The following GRIA4 variants were observed in gnomAD, a reference collection of about 807,000 sequenced individuals.
The protein encoded by GRIA4 is glutamate ionotropic receptor AMPA type subunit 4, also known as glutamate receptor 4.
In GRIA4, 34 loss-of-function variants were observed where a neutral mutation model predicts 104.0. The observed-to-expected ratio is 0.33, with a 90% CI of 0.25 to 0.44. GRIA4 has a LOEUF of 0.44. Ranked by LOEUF, GRIA4 falls within the 20% of genes least tolerant of loss-of-function variation. GRIA4 has a pLI of 1.00. For missense variants in GRIA4, 750 were observed against 1,096.5 expected, an observed-to-expected ratio of 0.68 and a Z score of 4.46; for synonymous variants, 386 against 381.9, an observed-to-expected ratio of 1.01 and a Z score of -0.13.
intron 5 of GRIA4, among the ~76,000 whole-genome samples, chr11:105,867,048 G>A (rs1257188049): frequency 1.3e-5 from 2 of 152,064 alleles, no homozygotes; most frequent in Non-Finnish European, 2.9e-5. Flanking sequence ...CCTTTCAGCA[G>A]TATTGCCACT....
Position 105,612,381 on chromosome 11 carries a change from T to A in GRIA4, c.194T>A (p.Val65Glu). The A allele has an allele frequency of 6.2e-7, 1 of 1,614,184 alleles. No individual in the cohort carries two copies. The highest frequency in any genetic ancestry group is 8.5e-7 in the Non-Finnish European group (1 of 1,179,984). The part of the protein sequence containing the change: ...PNASEAPFNL[V>E]PHVDNIETAN... ...GCGTCGGAAGCTCCTTTTAATTTGG[T>A]ACCTCATGTGGACAACATTGAGACA... The change falls in exon 3 of 17, where the codon GTA (valine) becomes GAA (glutamate). Residue 65 changes from valine to glutamate, a missense_variant. Around this residue, in one of 3 missense-constraint regions of GRIA4, gnomAD observed 410 missense variants for 502.7 expected, o/e 0.82. Coordinates refer to ENST00000282499, the MANE Select transcript of GRIA4 (RefSeq NM_000829.4).
chr11:105,980,919 T>C lies in GRIA4; in HGVS notation c.*1180T>C, dbSNP rs1859229021. ...AAGATGGAGTCTTTGAGTTGGGGAA[T>C]GAATCACTGTCCTAACAACAACATA... On this transcript the variant is annotated 3_prime_UTR_variant, in exon 17 of 17. Coordinates refer to ENST00000282499, the MANE Select transcript of GRIA4 (RefSeq NM_000829.4). The C allele has an allele frequency of 2.0e-5, 3 of 152,660 alleles. No individual in the cohort carries two copies. The highest frequency in any genetic ancestry group is 1.9e-4 in the East Asian group (1 of 5,192). 9.5% of individuals were successfully genotyped at this position (152,660 alleles called of 1,614,324 possible). A position where few individuals can be genotyped will look rare whatever the true frequency, so the allele number is the denominator to read the frequency against.
chr11:105,778,489 G>A (rs1042129208), intron 4 of GRIA4, among the ~76,000 whole-genome samples: 1 of 152,160 alleles, frequency 6.6e-6, no homozygotes, highest in Non-Finnish European at 1.5e-5. Flanking sequence ...GGAGGATCAC[G>A]AGGTCAGGAG....
chr11:105,640,520 C>T (rs1411684486), intron 3 of GRIA4, among the ~76,000 whole-genome samples: 1 of 151,744 alleles, frequency 6.6e-6, no homozygotes, highest in African/African-American at 2.4e-5. Flanking sequence ...ACATTTTATT[C>T]TAGGCATTTT....
intron 3 of GRIA4, among the ~76,000 whole-genome samples, chr11:105,695,887 T>TACC (rs1953259866): frequency 6.6e-6 from 1 of 152,188 alleles, no homozygotes; most frequent in South Asian, 2.1e-4. Context: ...AAATATTGTA[T>TACC]ACCATTGTAT....
At chr11:105,657,307 C>T (rs547561674) in intron 3 of GRIA4, among the ~76,000 whole-genome samples, 1 of 152,002 alleles carries the variant, frequency 6.6e-6, no homozygotes, top group Non-Finnish European at 1.5e-5. Context: ...ACCAAAATCT[C>T]GAAGTCACCG....
chr11:105,687,328 A>T (rs1182429891), intron 3 of GRIA4, among the ~76,000 whole-genome samples: 2 of 152,188 alleles, frequency 1.3e-5, no homozygotes, highest in African/African-American at 4.8e-5. Flanking sequence ...TTAGGAGGAT[A>T]ACAAGTGTAC....
chr11:105,897,305 CT>C (rs1369230740), intron 6 of GRIA4, among the ~76,000 whole-genome samples: 2 of 152,040 alleles, frequency 1.3e-5, no homozygotes, highest in African/African-American at 4.8e-5. Context: ...ACATAGTAGT[CT>C]TCTGGAGGAG....
chr11:105,845,815 C>T (rs958343926), intron 4 of GRIA4, among the ~76,000 whole-genome samples: 2 of 152,148 alleles, frequency 1.3e-5, no homozygotes, highest in South Asian at 2.1e-4. Context: ...GACGTGAACC[C>T]GGGAGTCGGA....
At chr11:105,726,016 A>G (rs761967029) in intron 3 of GRIA4, among the ~76,000 whole-genome samples, 5 of 152,002 alleles carry the variant, frequency 3.3e-5, no homozygotes, top group African/African-American at 4.8e-5. Context: ...TTCATACCCC[A>G]GTGGCACCTG....
intron 14 of GRIA4, among the ~76,000 whole-genome samples, chr11:105,948,466 C>T (rs764385197): frequency 5.9e-5 from 9 of 151,536 alleles, no homozygotes; most frequent in Non-Finnish European, 8.8e-5. Context: ...ACAGTTGACA[C>T]TTAATATCTG....
chr11:105,788,581 A>G (rs944066608), intron 4 of GRIA4, among the ~76,000 whole-genome samples: 1 of 152,152 alleles, frequency 6.6e-6, no homozygotes, highest in Non-Finnish European at 1.5e-5. Flanking sequence ...GAACAAAATC[A>G]TTTCATTATA....
chr11:105,826,285 C>T (rs1014290587), intron 4 of GRIA4, among the ~76,000 whole-genome samples: 3 of 151,992 alleles, frequency 2.0e-5, no homozygotes, highest in Admixed American at 1.3e-4. Flanking sequence ...ATCTATGCAG[C>T]CACTAGACTT....
At chr11:105,802,687 T>C (rs1942771561) in intron 4 of GRIA4, among the ~76,000 whole-genome samples, 1 of 152,032 alleles carries the variant, frequency 6.6e-6, no homozygotes. Context: ...TTCTTTAATG[T>C]TTGGCAAGAT....
At chr11:105,786,144 C>G (rs1484476220) in intron 4 of GRIA4, among the ~76,000 whole-genome samples, 1 of 89,300 alleles carries the variant, frequency 1.1e-5, no homozygotes, top group Non-Finnish European at 2.1e-5. Context: ...GACCCTTTCT[C>G]AAAAAAAAAA....
At chr11:105,615,969 GC>G (rs1950588889) in intron 3 of GRIA4, among the ~76,000 whole-genome samples, 1 of 151,616 alleles carries the variant, frequency 6.6e-6, no homozygotes, top group Admixed American at 6.6e-5. Flanking sequence ...AAAAGAATCA[GC>G]CCTTTAAAAA....
chr11:105,968,713 G>A (rs1164626861), intron 14 of GRIA4, among the ~76,000 whole-genome samples: 4 of 152,198 alleles, frequency 2.6e-5, no homozygotes, highest in Non-Finnish European at 5.9e-5. Flanking sequence ...ATATGGTCCT[G>A]TTTTATGGTC....
At chr11:105,720,448 G>A (rs911881508) in intron 3 of GRIA4, among the ~76,000 whole-genome samples, 1 of 152,002 alleles carries the variant, frequency 6.6e-6, no homozygotes, top group African/African-American at 2.4e-5. Context: ...GAAAATATGT[G>A]GCCTATGAAA....
chr11:105,818,795 T>C (rs1017508285), intron 4 of GRIA4, among the ~76,000 whole-genome samples: 19 of 152,160 alleles, frequency 1.2e-4, no homozygotes, highest in African/African-American at 4.3e-4. Context: ...TAAGTAACCT[T>C]TACTCCATGA....
Sources: gnomAD v4.1 joint callset for allele counts (sites outside exome capture counted in the v4.1 genomes callset) on GRCh38, gnomAD v4.1.1 for gene constraint, gnomAD v4.1.1 regional missense constraint, MANE v1.5 for transcripts, NCBI Gene and HGNC (gene_info 2026-07-23, HGNC 2026-07-21) for gene names.